Variants in C3orf52 observed in about 807,000 individuals in gnomAD.
C3orf52 encodes chromosome 3 open reading frame 52.
Under a neutral mutation model 24.8 loss-of-function variants are expected in C3orf52, and 22 were observed. The ratio of observed to expected loss-of-function variants is 0.89; its 90% CI spans 0.63 to 1.27. The LOEUF (loss-of-function observed/expected upper bound fraction) is 1.27, where lower values mean the gene tolerates loss of function less well. Among genes scored for constraint, C3orf52 ranks in the 50% most tolerant of loss-of-function variants. The pLI is 0.00. For synonymous variants in C3orf52, 93 were observed against 100.2 expected (o/e 0.93, Z 0.43); for missense variants, 265 against 260.7 (o/e 1.02, Z -0.11).
downstream of C3orf52, chr3:112,122,271 G>A (rs938441465): frequency 6.6e-6 from 1 of 152,030 alleles, no homozygotes; most frequent in African/African-American, 2.4e-5. Flanking sequence ...GGCTCTTTAG[G>A]GCCTATGGTC....
chr3:112,102,827 A>T lies in C3orf52; in HGVS notation c.269-11A>T. On this transcript the variant is annotated splice_polypyrimidine_tract_variant and intron_variant, in intron 2 of 5. Transcript: ENST00000264848. ...TTTGTTTTTCATTTCCACCTCCCCT[A>T]CTTTCTTTAGTAACTTATGTTGATG... 1 of 1,545,866 alleles carries T rather than the reference A, an allele frequency of 6.5e-7. No individual in the cohort carries two copies. Among genetic ancestry groups the T allele is most frequent in the South Asian group, 1.2e-5 (1 of 81,464 alleles).
intron 2 of C3orf52, 82 bp from the exon 3 acceptor site, chr3:112,102,756 C>T: frequency 8.1e-7 from 1 of 1,234,594 alleles, no homozygotes; most frequent in Non-Finnish European, 1.1e-6. Flanking sequence ...TTAAGTATGG[C>T]AGTCAATGGA....
intron 3 of C3orf52, among the ~76,000 whole-genome samples, chr3:112,105,539 CGT>C (rs3082397): frequency 0.16 from 24,161 of 148,058 alleles, 2,003 homozygotes; most frequent in South Asian, 0.26. Flanking sequence ...CTTCTTTGGC[CGT>C]GTGTGTGTGT....
rs1559969972 is a variant in C3orf52, at chr3:112,093,352, CT to C, written c.139-5del. 1.2e-6 allele frequency: 2 copies of C among 1,613,564 alleles called. No homozygotes were observed. Among genetic ancestry groups the C allele is most frequent in the Non-Finnish European group, 1.7e-6 (2 of 1,179,672 alleles). On this transcript the variant is annotated splice_region_variant and splice_polypyrimidine_tract_variant and intron_variant, in intron 1 of 5. Transcript: ENST00000264848. ...TGACTGCCTCACAATCTCCCTCTGC[CT>C]TTCTAGGCTAACAAGGAAAGCCCCT...
At chr3:112,098,612 CT>C (rs1489171298) in intron 2 of C3orf52, among the ~76,000 whole-genome samples, 1 of 152,142 alleles carries the variant, frequency 6.6e-6, no homozygotes, top group Non-Finnish European at 1.5e-5. Context: ...CTATTTTAGT[CT>C]GCTTGGGCTA....
chr3:112,098,943 TGTTGAATGATAA>T (rs2107779207), intron 2 of C3orf52, among the ~76,000 whole-genome samples: 1 of 152,254 alleles, frequency 6.6e-6, no homozygotes, highest in South Asian at 2.1e-4. Context: ...CCAAATCTCA[TGTTGAATGATAA>T]GAGGGGCCTG....
chr3:112,123,661 G>A, intron 4 of C3orf52: 1 of 1,614,104 alleles, frequency 6.2e-7, no homozygotes, highest in South Asian at 1.1e-5. Context: ...GCTTTGCAGG[G>A]AACATTCTCA....
At chr3:112,129,621 T>C (rs917180321), downstream of C3orf52, 13 of 152,190 alleles carry the variant, frequency 8.5e-5, no homozygotes, top group African/African-American at 3.1e-4. Flanking sequence ...TCTGATTTAT[T>C]TCATCATTTG....
At chr3:112,125,529 C>T (rs1189656523) in intron 4 of C3orf52, among the ~76,000 whole-genome samples, 1 of 152,188 alleles carries the variant, frequency 6.6e-6, no homozygotes, top group Non-Finnish European at 1.5e-5. Flanking sequence ...GCTCTCTTTC[C>T]CTCCTTACCT....
At chr3:112,123,717 C>T (rs144382249) in intron 4 of C3orf52, 12 of 1,613,856 alleles carry the variant, frequency 7.4e-6, no homozygotes, top group African/African-American at 5.3e-5. Flanking sequence ...ACAGAGAACC[C>T]GATGATTGAT....
At chr3:112,099,224 A>G (rs185663925) in intron 2 of C3orf52, among the ~76,000 whole-genome samples, 21 of 152,252 alleles carry the variant, frequency 1.4e-4, no homozygotes, top group African/African-American at 4.1e-4. Flanking sequence ...TCTTTTCTTC[A>G]TAAATTGCCC....
At chr3:112,134,813 G>T (rs545314549), downstream of C3orf52, 3 of 154,922 alleles carry the variant, frequency 1.9e-5, no homozygotes, top group South Asian at 6.1e-4. Flanking sequence ...TCATTGAAAA[G>T]GAGTGGACTA....
In C3orf52 at chr3:112,086,514, C is replaced by T. The variant is rs1038020555; in HGVS notation, c.107C>T (p.Pro36Leu). ...TPLNGADKVF[P>L]SLDEEVPPAE... The stretch of plus-strand genomic sequence containing the variant: ...CTCAATGGTGCCGACAAGGTCTTCC[C>T]TTCTTTGGACGAGGAGGTCCCCCCG... Residue 36 changes from proline (P) to leucine (L), a missense_variant, in exon 1 of 6, where the codon CCT becomes CTT. Pro to Leu is a moderately conservative substitution (Grantham distance 98, BLOSUM62 -3). Coordinates refer to ENST00000264848, the MANE Select transcript of C3orf52 (RefSeq NM_024616.3). 1.4e-5 allele frequency: 21 copies of T among 1,551,206 alleles called. No homozygotes were observed. The Admixed American group carries it at 3.3e-4, about 25-fold the overall frequency.
downstream of C3orf52, chr3:112,133,260 GTGTCT>G (rs2074502405): frequency 1.2e-5 from 10 of 853,876 alleles, no homozygotes; most frequent in South Asian, 1.5e-4. Context: ...AAGGAGAAGG[GTGTCT>G]CTGCAGAGGG....
downstream of C3orf52, chr3:112,130,384 T>C: frequency 7.3e-7 from 1 of 1,360,996 alleles, no homozygotes; most frequent in Non-Finnish European, 1.1e-6. Context: ...AGTCCAGGGC[T>C]TGACATACTT....
downstream of C3orf52, chr3:112,118,234 G>A (rs2074156604): frequency 6.6e-6 from 1 of 152,214 alleles, no homozygotes; most frequent in African/African-American, 2.4e-5. Context: ...CATTGGCTGA[G>A]CTTTGGGCTG....
At chr3:112,107,818 C>T (rs750603374) in intron 3 of C3orf52, among the ~76,000 whole-genome samples, 1 of 151,058 alleles carries the variant, frequency 6.6e-6, no homozygotes, top group Non-Finnish European at 1.5e-5. Context: ...CAGGCACTCT[C>T]ATCTTTTGTT....
exon 5 of C3orf52, chr3:112,128,538 A>G (rs888550333): frequency 3.5e-6 from 1 of 286,940 alleles, no homozygotes; most frequent in South Asian, 3.6e-5. Context: ...AGCTTCACAA[A>G]GCTGGGGACC....
chr3:112,128,596 C>T (rs2074383377), exon 5 of C3orf52: 1 of 208,708 alleles, frequency 4.8e-6, no homozygotes, highest in African/African-American at 2.3e-5. Context: ...TATGACACAA[C>T]ATCTGGCACA....
Sources: allele counts gnomAD v4.1 joint callset (sites outside exome capture counted in the v4.1 genomes callset), GRCh38; gene constraint gnomAD v4.1.1; transcripts MANE v1.5; gene names NCBI Gene and HGNC (gene_info 2026-07-23, HGNC 2026-07-21).